PPP3CC: variants seen among roughly 807,000 people sequenced by gnomAD.
PPP3CC encodes the protein protein phosphatase 3 catalytic subunit gamma.
A neutral mutation model predicts 60.3 loss-of-function variants in PPP3CC; 35 were observed. That is an observed-to-expected ratio of 0.58 (90% confidence interval 0.44 to 0.77). The LOEUF is 0.77. PPP3CC is among the 30% of genes least tolerant of loss of function. The probability of loss-of-function intolerance (pLI) is 0.00; values close to 1 mark genes in which losing one functional copy is unlikely to be tolerated. For synonymous variants in PPP3CC, 206 were observed against 224.3 expected (o/e 0.92, Z 0.73); for missense variants, 570 against 628.9 (o/e 0.91, Z 1.00).
Position 22,492,780 on chromosome 8 carries a change from A to G in PPP3CC, c.373-5221A>G, listed in dbSNP as rs1201836026. ...TCCTTAAAGAAGTTAGAGGTAAACA[A>G]TGTCTCTGGTATTGAAGAGGTGAAT... is the stretch of plus-strand genomic sequence containing the variant. On this transcript the variant is annotated intron_variant, in intron 3 of 13. Transcript: ENST00000240139. 1.9e-5 allele frequency: 19 copies of G among 1,006,738 alleles called. 1 individual carries two copies. The highest frequency in any genetic ancestry group is 1.5e-4 in the South Asian group (12 of 78,438). 62.4% of individuals were successfully genotyped at this position (1,006,738 alleles called of 1,614,324 possible).
chr8:22,476,880 T>C (rs902775840), intron 3 of PPP3CC, among the ~76,000 whole-genome samples: 20 of 146,480 alleles, frequency 1.4e-4, no homozygotes, highest in African/African-American at 5.1e-4. Flanking sequence ...TGCAGTGAGC[T>C]GAGATCACGC....
rs549384205 is a variant in PPP3CC, at chr8:22,506,405, T to G, written c.485-4681T>G. On this transcript the variant is annotated intron_variant, in intron 4 of 13. Coordinates refer to ENST00000240139, the MANE Select transcript of PPP3CC (RefSeq NM_005605.5). ...GGCATATTCTTAACTCCACTCTTCA[T>G]CTGAAGATGTGGCATGATAGCCAAA... Among the ~76,000 whole-genome samples, 200 of 152,298 alleles carry G rather than the reference T, an allele frequency of 1.3e-3. 1 individual carries two copies. Among genetic ancestry groups the G allele is most frequent in the Non-Finnish European group, 2.4e-3 (166 of 68,030 alleles).
chr8:22,528,834 C>G lies in PPP3CC; in HGVS notation c.1141+257C>G, dbSNP rs1019023123. On this transcript the variant is annotated intron_variant, in intron 10 of 13. Transcript: ENST00000240139. ...GTCTTTTATCTTTGCACATAGCTTT[C>G]CTCTGTAGTACACTATTTTTGTGGA... Among the ~76,000 whole-genome samples the G allele has an allele frequency of 2.0e-5, 3 of 152,244 alleles. No individual in the cohort carries two copies. The East Asian group carries it at 5.8e-4, about 29-fold the overall frequency.
chr8:22,509,786 C>G (rs1839029096), intron 4 of PPP3CC, among the ~76,000 whole-genome samples: 2 of 152,218 alleles, frequency 1.3e-5, no homozygotes, highest in Non-Finnish European at 1.5e-5. Flanking sequence ...ACTGCAGCCT[C>G]AAACTCCTGG....
intron 3 of PPP3CC, among the ~76,000 whole-genome samples, chr8:22,493,259 C>G (rs1352920518): frequency 6.6e-6 from 1 of 152,070 alleles, no homozygotes; most frequent in African/African-American, 2.4e-5. Flanking sequence ...TCCTTGGACA[C>G]TGCAGCTCTT....
chr8:22,474,853 A>G, intron 1 of PPP3CC, 101 bp from the exon 2 acceptor site: 1 of 776,532 alleles, frequency 1.3e-6, no homozygotes. Context: ...ATGTGAAATC[A>G]TGGTGATTTA....
At chr8:22,468,977 A>G (rs1208407903) in intron 1 of PPP3CC, among the ~76,000 whole-genome samples, 1 of 152,224 alleles carries the variant, frequency 6.6e-6, no homozygotes, top group African/African-American at 2.4e-5. Context: ...TATAAATAGG[A>G]TACAACTGAT....
intron 3 of PPP3CC, among the ~76,000 whole-genome samples, chr8:22,488,540 C>A (rs866512073): frequency 6.6e-6 from 1 of 152,190 alleles, no homozygotes; most frequent in African/African-American, 2.4e-5. Flanking sequence ...ACCTAAACAA[C>A]AAAGAATGAA....
intron 1 of PPP3CC, among the ~76,000 whole-genome samples, chr8:22,461,859 C>G (rs1018473828): frequency 2.0e-5 from 3 of 152,120 alleles, no homozygotes; most frequent in African/African-American, 7.2e-5. Context: ...AGTTTTGCCT[C>G]TAGGACACAT....
intron 6 of PPP3CC, among the ~76,000 whole-genome samples, chr8:22,513,927 C>G (rs1458688521): frequency 6.6e-6 from 1 of 152,104 alleles, no homozygotes; most frequent in Admixed American, 6.6e-5. Flanking sequence ...TTCACAGGAG[C>G]TTTCATTATG....
chr8:22,462,173 T>G (rs772357491), intron 1 of PPP3CC, among the ~76,000 whole-genome samples: 2 of 151,900 alleles, frequency 1.3e-5, no homozygotes, highest in African/African-American at 4.8e-5. Context: ...AACTCAAGAG[T>G]TGGAGACTGC....
intron 12 of PPP3CC, among the ~76,000 whole-genome samples, chr8:22,534,125 G>A (rs1386898495): frequency 6.6e-6 from 1 of 151,232 alleles, no homozygotes; most frequent in Non-Finnish European, 1.5e-5. Flanking sequence ...CTGGAACCCG[G>A]GAGGTGGAGG....
At chr8:22,523,968 G>A (rs938519794) in intron 8 of PPP3CC, among the ~76,000 whole-genome samples, 1 of 152,192 alleles carries the variant, frequency 6.6e-6, no homozygotes, top group Non-Finnish European at 1.5e-5. Context: ...AAAGCAAGGA[G>A]TCAGTCTAGT....
rs2132413934 is a variant in PPP3CC, at chr8:22,441,115, G to C, written c.-295G>C. On this transcript the variant is annotated 5_prime_UTR_variant, in exon 1 of 14. Coordinates refer to ENST00000240139, the MANE Select transcript of PPP3CC (RefSeq NM_005605.5). ...GCCCGGGCCGCGAGCAGCCGCGGCC[G>C]TCCCGGTCGCCACCCTTAGCAGCGG... 3.4e-6 allele frequency: 1 copy of C among 292,674 alleles called. No individual in the cohort carries two copies. The highest frequency in any genetic ancestry group is 6.3e-6 in the Non-Finnish European group (1 of 158,578). The allele number at this position is 292,674 out of a possible 1,614,324, so 18.1% of individuals were successfully genotyped here.
rs1839620830 is a variant in PPP3CC at position 22,528,526 on chromosome 8, G to A, written c.1090G>A (p.Val364Met). 1 of 1,555,684 alleles carries A rather than the reference G, an allele frequency of 6.4e-7. No individual in the cohort carries two copies. The highest frequency in any genetic ancestry group is 8.7e-7 in the Non-Finnish European group (1 of 1,145,866). Reference protein sequence around the residue: ...GEKVTEMLVNVLNICSDDELI... With the variant: ...GEKVTEMLVNMLNICSDDELI... ...CTTAGTCACAGAGATGCTGGTAAAT[G>A]TGCTCAACATATGCTCTGATGACGA... The change falls in exon 10 of 14, where the codon GTG becomes ATG. Residue 364 changes from valine to methionine, a missense_variant. Physicochemically the swap from Val to Met is conservative, Grantham distance 21. Coordinates refer to ENST00000240139, the MANE Select transcript of PPP3CC (RefSeq NM_005605.5).
At chr8:22,518,097 T>C (rs1839301578) in intron 6 of PPP3CC, among the ~76,000 whole-genome samples, 1 of 151,786 alleles carries the variant, frequency 6.6e-6, no homozygotes, top group Non-Finnish European at 1.5e-5. Context: ...GATGTTTTGC[T>C]CTGTCACCCA....
intron 3 of PPP3CC, among the ~76,000 whole-genome samples, chr8:22,487,943 GA>G (rs1838273630): frequency 6.6e-6 from 1 of 152,188 alleles, no homozygotes; most frequent in African/African-American, 2.4e-5. Flanking sequence ...TGATAATCAT[GA>G]CCTTGTAATT....
At chr8:22,525,514 C>CTTTCTT (rs1839525360) in intron 8 of PPP3CC, among the ~76,000 whole-genome samples, 1 of 89,120 alleles carries the variant, frequency 1.1e-5, no homozygotes, top group Admixed American at 1.2e-4. Flanking sequence ...TTCTTTCTTT[C>CTTTCTT]TTTCTTTCTT....
intron 1 of PPP3CC, among the ~76,000 whole-genome samples, chr8:22,452,692 A>G (rs944730282): frequency 1.3e-5 from 2 of 152,162 alleles, no homozygotes; most frequent in African/African-American, 4.8e-5. Context: ...CCTTAGATAA[A>G]TCACTTACAC....
Sources: allele counts gnomAD v4.1 joint callset (sites outside exome capture counted in the v4.1 genomes callset), GRCh38; gene constraint gnomAD v4.1.1; transcripts MANE v1.5; gene names NCBI Gene and HGNC (gene_info 2026-07-23, HGNC 2026-07-21).